Variants in FARS2 observed in about 807,000 individuals in gnomAD.
FARS2 encodes the protein phenylalanyl-tRNA synthetase 2, mitochondrial.
Under a neutral mutation model 46.4 loss-of-function variants are expected in FARS2, and 40 were observed. The ratio of observed to expected loss-of-function variants is 0.86; its 90% CI spans 0.67 to 1.12. The LOEUF (loss-of-function observed/expected upper bound fraction) is 1.12. Ranked by LOEUF, FARS2 falls within the 50% of genes most tolerant of loss-of-function variation. The pLI, the probability that FARS2 is intolerant of heterozygous loss-of-function variation, is 0.00. For missense variants in FARS2, 513 were observed against 567.9 expected (o/e 0.90, Z 0.98); for synonymous variants, 234 against 214.9 (o/e 1.09, Z -0.78).
intron 1 of FARS2, among the ~76,000 whole-genome samples, chr6:5,307,528 A>G (rs1396585723): frequency 2.0e-5 from 3 of 152,196 alleles, no homozygotes; most frequent in Admixed American, 2.0e-4. Context: ...GTCGTATCAT[A>G]TTGTATATAC....
intron 4 of FARS2, among the ~76,000 whole-genome samples, chr6:5,444,460 C>T (rs2005958): frequency 0.84 from 101,822 of 121,832 alleles, 42,343 homozygotes; most frequent in East Asian, 0.96. Flanking sequence ...AGGCGTGACT[C>T]TGTCTCAAAA....
In FARS2 at chr6:5,704,676, G is replaced by A. The variant is rs148518290; in HGVS notation, c.1218-66615G>A. 2.2e-4 allele frequency among the ~76,000 whole-genome samples: 34 copies of A among 152,290 alleles called. 1 individual carries two copies. The East Asian group carries it at 4.6e-3, about 21-fold the overall frequency. On this transcript the variant is annotated intron_variant, in intron 6 of 6. Transcript: ENST00000274680. ...GTAAATCCTAGAACTCAAGACATAC[G>A]CAAGAGGTAATAATTAAGCTTCTAC...
At chr6:5,686,221 C>CG (rs1757187309) in intron 6 of FARS2, among the ~76,000 whole-genome samples, 1 of 151,526 alleles carries the variant, frequency 6.6e-6, no homozygotes. Context: ...TATTATTATA[C>CG]TTTAAGTTTT....
chr6:5,511,978 G>T (rs759041524), intron 4 of FARS2, among the ~76,000 whole-genome samples: 2 of 152,180 alleles, frequency 1.3e-5, no homozygotes, highest in Admixed American at 6.5e-5. Context: ...AAACAGTTGA[G>T]TCCTCTTTTC....
At chr6:5,278,943 C>T (rs1766524625) in intron 1 of FARS2, among the ~76,000 whole-genome samples, 1 of 152,204 alleles carries the variant, frequency 6.6e-6, no homozygotes, top group Admixed American at 6.5e-5. Flanking sequence ...CAGGTGGCTT[C>T]AGCGCTTGCT....
chr6:5,440,380 G>A (rs1301998058), intron 4 of FARS2, among the ~76,000 whole-genome samples: 1 of 152,210 alleles, frequency 6.6e-6, no homozygotes, highest in Non-Finnish European at 1.5e-5. Context: ...ATCATTGTCA[G>A]TGGCTGCACA....
chr6:5,369,223 G>A (rs1243818752), intron 2 of FARS2, 41 bp downstream of exon 2: 2 of 1,578,276 alleles, frequency 1.3e-6, no homozygotes, highest in East Asian at 4.5e-5. Context: ...GGATGTCATA[G>A]ACATTTTATG....
intron 5 of FARS2, among the ~76,000 whole-genome samples, chr6:5,546,497 G>A (rs532589076): frequency 4.0e-4 from 60 of 151,476 alleles, no homozygotes; most frequent in Non-Finnish European, 6.5e-4. Context: ...TGATTCGCCC[G>A]CCTTGGCCTC....
chr6:5,711,907 G>A (rs11967279), intron 6 of FARS2, among the ~76,000 whole-genome samples: 7,811 of 152,226 alleles, frequency 0.051, 620 homozygotes, highest in African/African-American at 0.17. Context: ...TAACATACTC[G>A]TGTACCAGGC....
At chr6:5,716,740 T>C (rs1759514042) in intron 6 of FARS2, among the ~76,000 whole-genome samples, 1 of 152,212 alleles carries the variant, frequency 6.6e-6, no homozygotes. Flanking sequence ...CAGAAACATG[T>C]ACCAACATCT....
At chr6:5,631,571 TC>T (rs552793747) in intron 6 of FARS2, among the ~76,000 whole-genome samples, 19 of 152,366 alleles carry the variant, frequency 1.2e-4, no homozygotes, top group Admixed American at 3.3e-4. Context: ...GCAGGTGTGC[TC>T]CTGCATCCTG....
chr6:5,701,737 C>T (rs1488705816), intron 6 of FARS2, among the ~76,000 whole-genome samples: 1 of 152,164 alleles, frequency 6.6e-6, no homozygotes, highest in Admixed American at 6.5e-5. Context: ...AAGCAGTTAA[C>T]TTTATGTCGA....
chr6:5,610,443 T>C (rs1020275554), intron 5 of FARS2, among the ~76,000 whole-genome samples: 11 of 152,070 alleles, frequency 7.2e-5, no homozygotes, highest in African/African-American at 2.7e-4. Flanking sequence ...GGAAAAACAA[T>C]TTAAAAATAC....
intron 6 of FARS2, among the ~76,000 whole-genome samples, chr6:5,675,700 A>G (rs1032139727): frequency 1.3e-5 from 2 of 152,230 alleles, no homozygotes; most frequent in African/African-American, 4.8e-5. Flanking sequence ...AGTTCCACAG[A>G]AGTGCCTGGG....
At position 5,369,131 on chromosome 6, in the gene FARS2, C is replaced by A. The variant is rs766050915; in HGVS notation, c.561C>A (p.His187Gln). Residue 187 changes from histidine (H) to glutamine (Q), a missense_variant, in exon 2 of 7, where the codon CAC (histidine) becomes CAA (glutamine). Transcript: ENST00000274680. ...GGCGTGACCAGATCGACTCCCAGCA[C>A]TACCCTATTTTCCACCAGCTGGAGG... is the stretch of plus-strand genomic sequence containing the variant. ...VYRRDQIDSQ[H>Q]YPIFHQLEAV... The A allele has an allele frequency of 6.2e-7, 1 of 1,612,580 alleles. No individual in the cohort carries two copies.
intron 4 of FARS2, among the ~76,000 whole-genome samples, chr6:5,438,068 C>G (rs1425980993): frequency 6.6e-6 from 1 of 151,788 alleles, no homozygotes; most frequent in Non-Finnish European, 1.5e-5. Flanking sequence ...TTCTCAGCAA[C>G]TTAAAGATGT....
At chr6:5,699,261 C>T (rs1758280612) in intron 6 of FARS2, among the ~76,000 whole-genome samples, 1 of 152,352 alleles carries the variant, frequency 6.6e-6, no homozygotes, top group South Asian at 2.1e-4. Context: ...TCTCCTTCCT[C>T]ATTCCTTCCC....
chr6:5,710,656 C>T lies in FARS2; in HGVS notation c.1218-60635C>T, dbSNP rs1187986292. ...AAGACAGAGATAGGAATCTGGGACG[C>T]GGAAGCATCTGTAATTCTCAAGGCA... On this transcript the variant is annotated intron_variant, in intron 6 of 6. Coordinates refer to ENST00000274680, the MANE Select transcript of FARS2 (RefSeq NM_006567.5). Among the ~76,000 whole-genome samples the T allele has an allele frequency of 5.3e-5, 8 of 152,294 alleles. No individual in the cohort carries two copies. In the East Asian group the frequency reaches 9.7e-4, roughly 18 times the overall value.
rs776382420 is a variant in FARS2 at position 5,764,071 on chromosome 6, G to A, written c.1218-7220G>A. 6.6e-6 allele frequency among the ~76,000 whole-genome samples: 1 copy of A among 152,102 alleles called. No individual in the cohort carries two copies. The highest frequency in any genetic ancestry group is 2.4e-5 in the African/African-American group (1 of 41,414). ...TAAAGGAGGAAGATGGGGCGGATGC[G>A]TAGGTATGGAGCGCCTACTCTGGGT... On this transcript the variant is annotated intron_variant, in intron 6 of 6. Coordinates refer to ENST00000274680, the MANE Select transcript of FARS2 (RefSeq NM_006567.5). The surrounding 1 kb of genome is among the most constrained non-coding windows in gnomAD (Gnocchi z 4.1).
Sources: allele counts gnomAD v4.1 joint callset (sites outside exome capture counted in the v4.1 genomes callset), GRCh38; gene constraint gnomAD v4.1.1; non-coding constraint Gnocchi (gnomAD v3.1); transcripts MANE v1.5; gene names NCBI Gene and HGNC (gene_info 2026-07-23, HGNC 2026-07-21).